Variants in NTRK2 observed in about 807,000 individuals in gnomAD.
NTRK2 encodes the protein BDNF/NT-3 growth factors receptor.
In NTRK2, 13 loss-of-function variants were observed where a neutral mutation model predicts 94.5. That is an observed-to-expected ratio of 0.14 (90% CI 0.09 to 0.22). The LOEUF (loss-of-function observed/expected upper bound fraction) is 0.22, where lower values mean the gene tolerates loss of function less well. NTRK2 is among the 10% of genes least tolerant of loss of function. The pLI, the probability that NTRK2 is intolerant of heterozygous loss-of-function variation, is 1.00. For missense variants in NTRK2, 639 were observed against 1,071.2 expected (o/e 0.60, Z 5.63); for synonymous variants, 372 against 407.4 (o/e 0.91, Z 1.05).
chr9:84,857,305 A>G (rs2075113881), intron 12 of NTRK2, among the ~76,000 whole-genome samples: 1 of 152,202 alleles, frequency 6.6e-6, no homozygotes, highest in Non-Finnish European at 1.5e-5. Flanking sequence ...GGGATTCTTT[A>G]AGCTCAGTAC....
intron 6 of NTRK2, among the ~76,000 whole-genome samples, chr9:84,716,669 T>C (rs148567784): frequency 1.1e-3 from 172 of 152,356 alleles, no homozygotes; most frequent in African/African-American, 3.9e-3. Context: ...TTTAATTTTC[T>C]TAGAGATCAG....
chr9:84,739,276 C>T (rs191326365), intron 9 of NTRK2, among the ~76,000 whole-genome samples: 1 of 152,172 alleles, frequency 6.6e-6, no homozygotes, highest in African/African-American at 2.4e-5. Context: ...GTCTTGAACT[C>T]CTGAGCTAAG....
intron 14 of NTRK2, among the ~76,000 whole-genome samples, chr9:84,918,072 G>T (rs1184836733): frequency 6.6e-6 from 1 of 152,222 alleles, no homozygotes; most frequent in African/African-American, 2.4e-5. Flanking sequence ...ACTTACAAAA[G>T]TGGAGGCTGT....
At chr9:85,021,049 G>A (rs1429566258) in intron 18 of NTRK2, among the ~76,000 whole-genome samples, 1 of 152,134 alleles carries the variant, frequency 6.6e-6, no homozygotes. Context: ...AATCAGAGTG[G>A]CTTGGACAAA....
At position 84,746,207 on chromosome 9, in the gene NTRK2, C is replaced by T. The variant is rs142801239; in HGVS notation, c.1296+1134C>T. On this transcript the variant is annotated intron_variant, in intron 11 of 18. Coordinates refer to ENST00000277120, the MANE Select transcript of NTRK2 (RefSeq NM_006180.6). ...AACAAAAAAGAATGATATTTCATAACACACGAAAGTTTTGTGAAATTAAAA... is the reference window on the plus strand; with the variant it reads ...AACAAAAAAGAATGATATTTCATAATACACGAAAGTTTTGTGAAATTAAAA... Among the ~76,000 whole-genome samples the T allele has an allele frequency of 6.3e-3, 959 of 152,284 alleles. 10 individuals carry two copies. The highest frequency in any genetic ancestry group is 0.022 in the African/African-American group (903 of 41,558).
At chr9:84,895,713 A>T (rs2076738097) in intron 14 of NTRK2, among the ~76,000 whole-genome samples, 1 of 152,210 alleles carries the variant, frequency 6.6e-6, no homozygotes, top group African/African-American at 2.4e-5. Flanking sequence ...GAGTGTTGAG[A>T]GAGTGCAAAG....
At chr9:84,713,038 G>A (rs556981032) in intron 6 of NTRK2, among the ~76,000 whole-genome samples, 1 of 152,222 alleles carries the variant, frequency 6.6e-6, no homozygotes, top group South Asian at 2.1e-4. Flanking sequence ...ATGAAAAAAT[G>A]GCTGTATCTA....
intron 12 of NTRK2, among the ~76,000 whole-genome samples, chr9:84,784,514 A>T (rs2067933156): frequency 6.6e-6 from 1 of 152,200 alleles, no homozygotes; most frequent in East Asian, 1.9e-4. Context: ...GTAGAGTTTG[A>T]TAGTCACTCT....
chr9:84,672,210 G>A lies in NTRK2; in HGVS notation c.212+1250G>A, dbSNP rs569417339. On this transcript the variant is annotated intron_variant, in intron 2 of 18. Transcript: ENST00000277120. ...CTTCCTAGTCTCTGTTGCCTGTTCTGCTGCTGATGCTTATGGTGTAAGCCT... is the reference window on the plus strand; with the variant it reads ...CTTCCTAGTCTCTGTTGCCTGTTCTACTGCTGATGCTTATGGTGTAAGCCT... Among the ~76,000 whole-genome samples, 5 of 152,300 alleles carry A rather than the reference G, an allele frequency of 3.3e-5. No homozygotes were observed. The East Asian group carries it at 9.7e-4, about 29-fold the overall frequency.
chr9:84,887,293 G>A (rs1041203863), intron 14 of NTRK2, among the ~76,000 whole-genome samples: 2 of 152,118 alleles, frequency 1.3e-5, no homozygotes, highest in African/African-American at 2.4e-5. Context: ...ATCCCCTCAA[G>A]CCAGACACTT....
At chr9:84,901,199 G>GTTTTATTTTATTTTATTTTA (rs550196757) in intron 14 of NTRK2, among the ~76,000 whole-genome samples, 6,906 of 131,300 alleles carry the variant, frequency 0.053, 314 homozygotes, top group East Asian at 0.14. Flanking sequence ...GTTTTGTTTT[G>GTTTTATTTTATTTTATTTTA]TTTTGTTTTA....
chr9:84,864,514 T>G (rs541886999), intron 13 of NTRK2, among the ~76,000 whole-genome samples: 2 of 152,176 alleles, frequency 1.3e-5, no homozygotes, highest in South Asian at 4.1e-4. Flanking sequence ...AAAGAAATTT[T>G]AAGAAAAAGA....
chr9:84,962,152 A>G (rs1476193514), intron 17 of NTRK2, among the ~76,000 whole-genome samples: 1 of 152,154 alleles, frequency 6.6e-6, no homozygotes, highest in Non-Finnish European at 1.5e-5. Context: ...TTGCATTCTG[A>G]TATGTCATAT....
chr9:84,909,437 G>C (rs932995822), intron 14 of NTRK2, among the ~76,000 whole-genome samples: 1 of 151,954 alleles, frequency 6.6e-6, no homozygotes, highest in African/African-American at 2.4e-5. Flanking sequence ...AAGTGCCCAG[G>C]AGTGCAATTA....
chr9:84,858,853 G>A (rs1171208304), intron 12 of NTRK2, among the ~76,000 whole-genome samples: 1 of 151,880 alleles, frequency 6.6e-6, no homozygotes, highest in South Asian at 2.1e-4. Flanking sequence ...TGGAGCATGG[G>A]AAATGCAACT....
intron 12 of NTRK2, among the ~76,000 whole-genome samples, chr9:84,844,946 C>G (rs566842622): frequency 1.6e-4 from 25 of 151,596 alleles, no homozygotes; most frequent in African/African-American, 4.6e-4. Flanking sequence ...ATTTAAAAGT[C>G]AAAAAACAAT....
intron 16 of NTRK2, among the ~76,000 whole-genome samples, chr9:84,954,352 AC>A (rs1823844621): frequency 6.6e-6 from 1 of 152,180 alleles, no homozygotes; most frequent in Admixed American, 6.5e-5. Context: ...GCATCCTAAG[AC>A]GCGGATCCTC....
chr9:84,894,154 T>C (rs62562456), intron 14 of NTRK2, among the ~76,000 whole-genome samples: 2 of 150,354 alleles, frequency 1.3e-5, no homozygotes, highest in Non-Finnish European at 3.0e-5. Flanking sequence ...TGGGTGTTAC[T>C]TGACTATTTG....
intron 14 of NTRK2, among the ~76,000 whole-genome samples, chr9:84,905,369 G>T (rs2077042484): frequency 6.6e-6 from 1 of 151,942 alleles, no homozygotes; most frequent in African/African-American, 2.4e-5. Context: ...TTTTTAAAGT[G>T]CTAGGCATAA....
Sources: gnomAD v4.1 joint callset for allele counts (sites outside exome capture counted in the v4.1 genomes callset) on GRCh38, gnomAD v4.1.1 for gene constraint, MANE v1.5 for transcripts, NCBI Gene and HGNC (gene_info 2026-07-23, HGNC 2026-07-21) for gene names.